PAQR3: variants seen among roughly 807,000 people sequenced by gnomAD.
PAQR3 encodes progestin and adipoQ receptor family member 3.
A neutral mutation model predicts 41.7 loss-of-function variants in PAQR3; 39 were observed. The ratio of observed to expected loss-of-function variants is 0.93; its 90% confidence interval spans 0.72 to 1.22. The LOEUF is 1.22. Among genes scored for constraint, PAQR3 ranks in the 50% most tolerant of loss-of-function variants. The pLI, the probability that PAQR3 is intolerant of heterozygous loss-of-function variation, is 0.00. For synonymous variants in PAQR3, 140 were observed against 140.6 expected, an observed-to-expected ratio of 1.00 and a Z score of 0.03; for missense variants, 366 against 385.6, an observed-to-expected ratio of 0.95 and a Z score of 0.42.
At chr4:78,929,204 G>A (rs1736563350) in intron 3 of PAQR3, among the ~76,000 whole-genome samples, 1 of 152,164 alleles carries the variant, frequency 6.6e-6, no homozygotes, top group African/African-American at 2.4e-5. Flanking sequence ...GGCAGGACAG[G>A]CTCTATTCTT....
At chr4:78,922,707 C>T (rs567293705) in intron 5 of PAQR3, 1 of 359,108 alleles carries the variant, frequency 2.8e-6, no homozygotes, top group African/African-American at 2.1e-5. Flanking sequence ...CTCATCTAAC[C>T]CTCATTAAAC....
downstream of PAQR3, among the ~76,000 whole-genome samples, chr4:78,906,915 C>G (rs1356518018): frequency 2.0e-5 from 3 of 152,050 alleles, no homozygotes; most frequent in African/African-American, 4.8e-5. Flanking sequence ...GTGACCTTGT[C>G]AGGATTATTA....
chr4:78,916,241 TTC>T lies in PAQR3; in HGVS notation c.*4296_*4297del, dbSNP rs1735059590. 6.6e-6 allele frequency: 1 copy of T among 151,960 alleles called. No homozygotes were observed. The highest frequency in any genetic ancestry group is 2.4e-5 in the African/African-American group (1 of 41,430). 9.4% of individuals were successfully genotyped at this position (151,960 alleles called of 1,614,324 possible). On this transcript the variant is annotated 3_prime_UTR_variant, in exon 6 of 6. Transcript: ENST00000512733. ...ACACTGCTTATTCTTTTTGACTGAA[TTC>T]TGTCCCTGATTCACTGTTTTGTTTG...
chr4:78,910,837 G>T (rs1332063411), downstream of PAQR3: 6 of 1,613,948 alleles, frequency 3.7e-6, no homozygotes, highest in Non-Finnish European at 4.2e-6. Context: ...TGATGAAGAA[G>T]TTCTTCAGGG....
downstream of PAQR3, among the ~76,000 whole-genome samples, chr4:78,910,358 CAGTGAG>C (rs1054666384): frequency 3.9e-5 from 6 of 152,132 alleles, no homozygotes; most frequent in Non-Finnish European, 8.8e-5. Context: ...ATTTGGCTGT[CAGTGAG>C]AGTACGATGA....
chr4:78,899,267 G>C (rs1560553146), intron 11 of PAQR3: 1 of 152,198 alleles, frequency 6.6e-6, no homozygotes, highest in Non-Finnish European at 1.5e-5. Flanking sequence ...AGGGGACCTT[G>C]AAGGAAAGAG....
At chr4:78,889,220 C>CAAAA (rs71661191) in intron 11 of PAQR3, among the ~76,000 whole-genome samples, 12 of 53,656 alleles carry the variant, frequency 2.2e-4, no homozygotes, top group Non-Finnish European at 4.0e-4. Flanking sequence ...GACTCTGTCT[C>CAAAA]AAAAAAAAAA....
rs1004731910 is a variant in PAQR3 at position 78,914,062 on chromosome 4, TCAAA to T, written c.*6473_*6476del. ...ATTCATGAACTACAGTAGGTTTGTATCAAACAATTTTTTTTAATGAAAATCTGTT... is the reference window on the plus strand; with the variant it reads ...ATTCATGAACTACAGTAGGTTTGTATCAATTTTTTTTAATGAAAATCTGTT... On this transcript the variant is annotated 3_prime_UTR_variant, in exon 6 of 6. Transcript: ENST00000512733. The T allele has an allele frequency of 2.5e-4, 38 of 151,062 alleles. No homozygotes were observed. The highest frequency in any genetic ancestry group is 7.8e-4 in the African/African-American group (32 of 41,058). The allele number at this position is 151,062 out of a possible 1,614,324, so 9.4% of individuals were successfully genotyped here.
In PAQR3 at chr4:78,920,259, C is replaced by T; in HGVS notation, c.*280G>A. On this transcript the variant is annotated 3_prime_UTR_variant, in exon 6 of 6. Transcript: ENST00000512733. ...GTGCTAAGTAAAATGAATCCTATTT[C>T]AACACTAGTTTCCCATTCATCGTTG... 4.6e-6 allele frequency: 5 copies of T among 1,080,522 alleles called. No homozygotes were observed. Among genetic ancestry groups the T allele is most frequent in the Non-Finnish European group, 5.6e-6 (5 of 892,136 alleles). 66.9% of individuals were successfully genotyped at this position (1,080,522 alleles called of 1,614,324 possible). A position where few individuals can be genotyped will look rare whatever the true frequency, so the allele number is the denominator to read the frequency against.
intron 11 of PAQR3, among the ~76,000 whole-genome samples, chr4:78,891,290 C>G (rs993216916): frequency 3.9e-5 from 6 of 151,968 alleles, no homozygotes; most frequent in African/African-American, 1.5e-4. Flanking sequence ...ATTCCTGCTC[C>G]TCTTTCTCTT....
At chr4:78,895,323 G>A (rs1733646207) in intron 11 of PAQR3, among the ~76,000 whole-genome samples, 1 of 152,086 alleles carries the variant, frequency 6.6e-6, no homozygotes, top group African/African-American at 2.4e-5. Context: ...TAAAGCATAG[G>A]GTTTAAGGTA....
intron 3 of PAQR3, 82 bp downstream of exon 3, chr4:78,930,088 A>C: frequency 7.6e-7 from 1 of 1,317,592 alleles, no homozygotes; most frequent in Non-Finnish European, 1.0e-6. Context: ...TTATGTACTT[A>C]TTCAGAAATT....
chr4:78,924,702 TC>T (rs1410632617), intron 4 of PAQR3, among the ~76,000 whole-genome samples: 1 of 130,576 alleles, frequency 7.7e-6, no homozygotes, highest in Non-Finnish European at 1.6e-5. Flanking sequence ...GTAAGACACC[TC>T]TCTCTACAGT....
downstream of PAQR3, among the ~76,000 whole-genome samples, chr4:78,909,689 G>A (rs1734481603): frequency 6.6e-6 from 1 of 152,132 alleles, no homozygotes. Flanking sequence ...CGTCTCCTTA[G>A]GGAGGTCTTC....
At chr4:78,930,393 G>A (rs1173924113) in intron 2 of PAQR3, 68 bp from the exon 3 acceptor site, 9 of 1,489,290 alleles carry the variant, frequency 6.0e-6, no homozygotes, top group Non-Finnish European at 8.1e-6. Flanking sequence ...ATGATATTCA[G>A]GGAAGTAGTT....
Position 78,926,560 on chromosome 4 carries a change from C to T in PAQR3, c.663G>A (p.Trp221Ter). ...SGYGVIPTLH[W>*]VWLNGGIGAP... ...CACCAATTCCTCCATTGAGCCAAAC[C>T]CAGTGAAGAGTAGGAATCACTCCAT... The change falls in exon 4 of 6, where the codon TGG becomes TGA. Residue 221 changes from tryptophan (W) to a stop codon, truncating the protein, a stop_gained. Coordinates refer to ENST00000512733, the MANE Select transcript of PAQR3 (RefSeq NM_001040202.2). LOFTEE classifies it high-confidence loss of function. 1 of 1,613,800 alleles carries T rather than the reference C, an allele frequency of 6.2e-7. No homozygotes were observed. Among genetic ancestry groups the T allele is most frequent in the Non-Finnish European group, 8.5e-7 (1 of 1,179,858 alleles).
chr4:78,931,928 C>T (rs1041130997), intron 2 of PAQR3, among the ~76,000 whole-genome samples: 1 of 152,048 alleles, frequency 6.6e-6, no homozygotes, highest in African/African-American at 2.4e-5. Flanking sequence ...TAAGTGCCCC[C>T]CAACAGAGGT....
At chr4:78,889,105 C>G (rs1733273615) in intron 11 of PAQR3, among the ~76,000 whole-genome samples, 1 of 151,594 alleles carries the variant, frequency 6.6e-6, no homozygotes, top group Admixed American at 6.6e-5. Flanking sequence ...CCTGTAATCC[C>G]AGCTACTCGG....
At position 78,912,068 on chromosome 4, in the gene PAQR3, T is replaced by G. The variant is rs753675453; in HGVS notation, c.*8471A>C. ...ATGGATTCTCGGCATTAACTCCTGT[T>G]TCAAAAAAGTGTGAACAGTTTTATG... On this transcript the variant is annotated 3_prime_UTR_variant, in exon 6 of 6. Transcript: ENST00000512733. 26 of 1,528,824 alleles carry G rather than the reference T, an allele frequency of 1.7e-5. No individual in the cohort carries two copies. In the South Asian group the frequency reaches 3.3e-4, roughly 19 times the overall value. 94.7% of individuals were successfully genotyped at this position (1,528,824 alleles called of 1,614,324 possible).
Sources: gnomAD v4.1 joint callset for allele counts (sites outside exome capture counted in the v4.1 genomes callset) on GRCh38, gnomAD v4.1.1 for gene constraint, MANE v1.5 for transcripts, NCBI Gene and HGNC (gene_info 2026-07-23, HGNC 2026-07-21) for gene names.